Variants in TMEM132D observed in about 807,000 individuals in gnomAD.
The protein encoded by TMEM132D is mature OL transmembrane protein.
In TMEM132D, 21 loss-of-function variants were observed where a neutral mutation model predicts 62.3. That is an observed-to-expected ratio of 0.34 (90% CI 0.24 to 0.49). The LOEUF is 0.49. TMEM132D is among the 20% of genes least tolerant of loss of function. TMEM132D has a pLI of 0.99. For synonymous variants in TMEM132D, 621 were observed against 575.6 expected (o/e 1.08, Z -1.13); for missense variants, 1,346 against 1,402.8 (o/e 0.96, Z 0.65).
chr12:129,631,324 G>A (rs764476829), intron 2 of TMEM132D, among the ~76,000 whole-genome samples: 32 of 152,020 alleles, frequency 2.1e-4, no homozygotes, highest in Non-Finnish European at 3.8e-4. Flanking sequence ...ATTATCAGTC[G>A]GCCTATCTTA....
At chr12:129,174,396 A>G (rs1384910289) in intron 5 of TMEM132D, among the ~76,000 whole-genome samples, 5 of 152,190 alleles carry the variant, frequency 3.3e-5, no homozygotes, top group Non-Finnish European at 5.9e-5. Context: ...TGTCCCTGCA[A>G]AGGACATGAT....
In TMEM132D at chr12:129,649,902, GTGTC is replaced by G. The variant is rs201859179; in HGVS notation, c.968+49904_968+49907del. ...TGTGTGTATATGTGTGTTTGTGTGTGTGTCTATGTGTACGTGTGTGTGTATGTTT... is the reference window on the plus strand; with the variant it reads ...TGTGTGTATATGTGTGTTTGTGTGTGTATGTGTACGTGTGTGTGTATGTTT... On this transcript the variant is annotated intron_variant, in intron 2 of 8. Coordinates refer to ENST00000422113, the MANE Select transcript of TMEM132D (RefSeq NM_133448.3). Among the ~76,000 whole-genome samples, 5 of 150,724 alleles carry G rather than the reference GTGTC, an allele frequency of 3.3e-5. No homozygotes were observed. In the East Asian group the frequency reaches 9.7e-4, roughly 29 times the overall value.
chr12:129,441,319 G>A lies in TMEM132D; in HGVS notation c.1115+89740C>T, dbSNP rs181480113. 4.6e-5 allele frequency among the ~76,000 whole-genome samples: 7 copies of A among 152,286 alleles called. No individual in the cohort carries two copies. The East Asian group carries it at 1.2e-3, about 25-fold the overall frequency. On this transcript the variant is annotated intron_variant, in intron 3 of 8. Transcript: ENST00000422113. ...AAGAGCGAGTGCACTAGTTACCTGGGTAGATGTAGACCCAGGTGTTGCCCG... is the reference window on the plus strand; with the variant it reads ...AAGAGCGAGTGCACTAGTTACCTGGATAGATGTAGACCCAGGTGTTGCCCG...
intron 3 of TMEM132D, among the ~76,000 whole-genome samples, chr12:129,523,810 A>G (rs1159481716): frequency 1.3e-5 from 2 of 152,170 alleles, no homozygotes; most frequent in African/African-American, 4.8e-5. Flanking sequence ...AATGGGGTTC[A>G]TCATTCCCCT....
At chr12:129,683,735 T>C (rs264515) in intron 2 of TMEM132D, among the ~76,000 whole-genome samples, 33,635 of 152,064 alleles carry the variant, frequency 0.22, 4,046 homozygotes, top group Middle Eastern at 0.28. Context: ...TGTAGTAATG[T>C]ACCTGAGGTG....
chr12:129,233,665 T>G (rs1429073016), intron 4 of TMEM132D, among the ~76,000 whole-genome samples: 2 of 152,172 alleles, frequency 1.3e-5, no homozygotes, highest in Non-Finnish European at 2.9e-5. Context: ...TCACTCTTGT[T>G]GCCCAGGCTG....
At chr12:129,746,240 A>T (rs11060530) in intron 1 of TMEM132D, among the ~76,000 whole-genome samples, 37,408 of 152,136 alleles carry the variant, frequency 0.25, 5,479 homozygotes, top group East Asian at 0.37. Flanking sequence ...AGGGTGTACA[A>T]GACCTGACAG....
At chr12:129,677,445 C>A (rs535873318) in intron 2 of TMEM132D, among the ~76,000 whole-genome samples, 26 of 152,282 alleles carry the variant, frequency 1.7e-4, no homozygotes, top group African/African-American at 6.0e-4. Context: ...GTCTCAGGTA[C>A]AACTTTATCA....
intron 2 of TMEM132D, among the ~76,000 whole-genome samples, chr12:129,637,251 T>C (rs1879507898): frequency 6.6e-6 from 1 of 152,228 alleles, no homozygotes; most frequent in South Asian, 2.1e-4. Context: ...ATACTTTGTC[T>C]CTCTAAAATT....
chr12:129,094,150 G>T (rs924331108), intron 5 of TMEM132D, among the ~76,000 whole-genome samples: 1 of 152,162 alleles, frequency 6.6e-6, no homozygotes, highest in Non-Finnish European at 1.5e-5. Flanking sequence ...AACACCAAAA[G>T]CAATGGCAGC....
At chr12:129,440,434 T>C (rs537439255) in intron 3 of TMEM132D, among the ~76,000 whole-genome samples, 3 of 152,264 alleles carry the variant, frequency 2.0e-5, no homozygotes, top group African/African-American at 4.8e-5. Flanking sequence ...ACTCACTTTT[T>C]ACTTAGAAGT....
chr12:129,482,180 G>T (rs1874448148), intron 3 of TMEM132D, among the ~76,000 whole-genome samples: 1 of 152,204 alleles, frequency 6.6e-6, no homozygotes, highest in South Asian at 2.1e-4. Flanking sequence ...AGGTGCCATG[G>T]AGTACGGCCA....
At chr12:129,279,781 A>G (rs564126910) in intron 4 of TMEM132D, among the ~76,000 whole-genome samples, 34 of 152,186 alleles carry the variant, frequency 2.2e-4, no homozygotes, top group Non-Finnish European at 4.0e-4. Context: ...GAACAGCACA[A>G]GCGTCCGATG....
intron 2 of TMEM132D, among the ~76,000 whole-genome samples, chr12:129,577,675 AC>A (rs1447823941): frequency 6.6e-6 from 1 of 152,082 alleles, no homozygotes; most frequent in Non-Finnish European, 1.5e-5. Flanking sequence ...TTTGCAGGCC[AC>A]AAGGTTCATG....
chr12:129,280,100 T>C (rs990910384), intron 4 of TMEM132D, among the ~76,000 whole-genome samples: 3 of 152,146 alleles, frequency 2.0e-5, no homozygotes, highest in African/African-American at 2.4e-5. Context: ...AACCCTGCTG[T>C]CTTCATAAAG....
intron 1 of TMEM132D, among the ~76,000 whole-genome samples, chr12:129,826,736 A>G (rs1030395205): frequency 1.3e-5 from 2 of 152,202 alleles, no homozygotes; most frequent in Admixed American, 1.3e-4. Flanking sequence ...CAGCCTGGTA[A>G]CCAGGTACGA....
At chr12:129,237,067 G>T (rs1254439107) in intron 4 of TMEM132D, among the ~76,000 whole-genome samples, 1 of 151,974 alleles carries the variant, frequency 6.6e-6, no homozygotes, top group African/African-American at 2.4e-5. Context: ...TGCATCCGGG[G>T]GTAAATTCCA....
chr12:129,527,239 G>A (rs1259638204), intron 3 of TMEM132D, among the ~76,000 whole-genome samples: 1 of 152,164 alleles, frequency 6.6e-6, no homozygotes, highest in African/African-American at 2.4e-5. Flanking sequence ...AACCCAGGAG[G>A]CAGAGGCTGC....
intron 2 of TMEM132D, among the ~76,000 whole-genome samples, chr12:129,617,230 TA>T (rs1878943431): frequency 6.6e-6 from 1 of 152,228 alleles, no homozygotes; most frequent in Non-Finnish European, 1.5e-5. Flanking sequence ...TGGCTTTGCT[TA>T]CAAAGGTTAA....
Sources: allele counts gnomAD v4.1 joint callset (sites outside exome capture counted in the v4.1 genomes callset), GRCh38; gene constraint gnomAD v4.1.1; transcripts MANE v1.5; gene names NCBI Gene and HGNC (gene_info 2026-07-23, HGNC 2026-07-21).